ZCWPW1: variants seen among roughly 807,000 people sequenced by gnomAD.
ZCWPW1 encodes the protein zinc finger CW-type PWWP domain protein 1.
In ZCWPW1, 56 loss-of-function variants were observed where a neutral mutation model predicts 81.3. The ratio of observed to expected loss-of-function variants is 0.69; its 90% CI spans 0.56 to 0.86. ZCWPW1 has a LOEUF of 0.86. Among genes scored for constraint, ZCWPW1 ranks in the 40% least tolerant of loss-of-function variants. The pLI is 0.00. For missense variants in ZCWPW1, 650 were observed against 769.8 expected (o/e 0.84, Z 1.84); for synonymous variants, 250 against 273.7 (o/e 0.91, Z 0.86).
At chr7:100,403,088 C>A (rs1303339530) in intron 15 of ZCWPW1, among the ~76,000 whole-genome samples, 4 of 152,094 alleles carry the variant, frequency 2.6e-5, no homozygotes, top group African/African-American at 9.7e-5. Context: ...TTAGAAACCC[C>A]CAAATATCTG....
At position 100,401,202 on chromosome 7, in the gene ZCWPW1, C is replaced by T. The variant is rs767534945; in HGVS notation, c.1762G>A (p.Glu588Lys). Residue 588 changes from glutamate (E) to lysine (K), a missense_variant, in exon 18 of 18, where the codon GAA (glutamate) becomes AAA (lysine). Glu to Lys is a moderately conservative substitution (Grantham distance 56). Transcript: ENST00000684423. ...AGGGGTTCCCGGTGTCTGGGCTCTT[C>T]TTTCGCAGATGAGGGGCAGGCCCCC... ...CKGACPSSAK[E>K]EPRHREPLTQ... is the part of the protein sequence containing the mutation. 2 of 1,614,114 alleles carry T rather than the reference C, an allele frequency of 1.2e-6. No homozygotes were observed. The highest frequency in any genetic ancestry group is 1.7e-5 in the Admixed American group (1 of 60,006).
chr7:100,403,852 A>G, intron 14 of ZCWPW1, 67 bp from the exon 15 acceptor site: 1 of 1,434,542 alleles, frequency 7.0e-7, no homozygotes, highest in South Asian at 1.2e-5. Flanking sequence ...AATGAAGCTG[A>G]TCACAAAGAA....
At chr7:100,423,436 G>A (rs1258680413) in intron 2 of ZCWPW1, among the ~76,000 whole-genome samples, 2 of 152,116 alleles carry the variant, frequency 1.3e-5, no homozygotes, top group African/African-American at 2.4e-5. Context: ...GGCCAAACTC[G>A]TTCAAGGTGT....
intron 15 of ZCWPW1, among the ~76,000 whole-genome samples, chr7:100,402,813 C>A (rs1792206321): frequency 6.6e-6 from 1 of 151,672 alleles, no homozygotes; most frequent in African/African-American, 2.4e-5. Context: ...AGCTAGGCCA[C>A]AAGTATGATA....
intron 8 of ZCWPW1, among the ~76,000 whole-genome samples, chr7:100,415,333 G>C (rs538129088): frequency 6.6e-6 from 1 of 151,776 alleles, no homozygotes; most frequent in South Asian, 2.1e-4. Context: ...CACCCACCTC[G>C]GCATCCCACA....
chr7:100,419,377 A>G (rs1489507205), intron 4 of ZCWPW1, among the ~76,000 whole-genome samples, 188 bp from the exon 5 acceptor site: 3 of 152,170 alleles, frequency 2.0e-5, no homozygotes, highest in Non-Finnish European at 4.4e-5. Context: ...AAGGAAAGAG[A>G]AAAGTGTATA....
chr7:100,415,097 T>A (rs1794964582), intron 8 of ZCWPW1, among the ~76,000 whole-genome samples: 1 of 144,438 alleles, frequency 6.9e-6, no homozygotes, highest in Non-Finnish European at 1.5e-5. Flanking sequence ...TTTTTTTTTT[T>A]TTTTTAGACA....
intron 10 of ZCWPW1, among the ~76,000 whole-genome samples, chr7:100,407,659 C>G (rs1793324668): frequency 6.6e-6 from 1 of 152,134 alleles, no homozygotes; most frequent in South Asian, 2.1e-4. Context: ...TCCCAAAGTG[C>G]TGGGATTACA....
In ZCWPW1 at chr7:100,417,142, G is replaced by C; in HGVS notation, c.403C>G (p.Gln135Glu). The stretch of plus-strand genomic sequence containing the variant: ...TCTGATTGGGTAGATACTACGGGCT[G>C]GGCACAAGAAGTCTCTGCAAAATCA... ...GLDFAETSCA[Q>E]PVVSTQSDKE... is the part of the protein sequence containing the mutation. Residue 135 changes from glutamine to glutamate, a missense_variant, in exon 6 of 18, where the codon CAG (glutamine) becomes GAG (glutamate). By Grantham distance (29) the Gln-to-Glu change is conservative. Transcript: ENST00000684423. 3.1e-6 allele frequency: 5 copies of C among 1,613,884 alleles called. No homozygotes were observed. The highest frequency in any genetic ancestry group is 4.2e-6 in the Non-Finnish European group (5 of 1,179,972).
intron 15 of ZCWPW1, among the ~76,000 whole-genome samples, chr7:100,402,951 G>A (rs1262715984): frequency 2.0e-5 from 3 of 152,180 alleles, no homozygotes; most frequent in Non-Finnish European, 4.4e-5. Flanking sequence ...GGAGTGGAAA[G>A]AAACAACTGG....
chr7:100,422,813 A>G (rs1796587895), intron 2 of ZCWPW1, among the ~76,000 whole-genome samples: 1 of 152,156 alleles, frequency 6.6e-6, no homozygotes, highest in Non-Finnish European at 1.5e-5. Context: ...CTCCCACTTT[A>G]TAAGTGAGAA....
chr7:100,402,443 C>A, intron 16 of ZCWPW1, 73 bp downstream of exon 16: 1 of 1,517,706 alleles, frequency 6.6e-7, no homozygotes, highest in Non-Finnish European at 9.2e-7. Context: ...GGTCCAGCTA[C>A]CTGCAGACTC....
chr7:100,406,768 T>G lies in ZCWPW1; in HGVS notation c.1099A>C (p.Thr367Pro). Reference protein sequence around the residue: ...SKYHVTFFGETVSRAWIPVNM... With the variant: ...SKYHVTFFGEPVSRAWIPVNM... ...ACTGGGATCCATGCACGAGAAACTG[T>G]TTCTCCAAAAAACGTCACATGGTAC... The change falls in exon 12 of 18, where the codon ACA (threonine) becomes CCA (proline). Residue 367 changes from threonine (T) to proline (P), a missense_variant. Physicochemically the swap from Thr to Pro is conservative, Grantham distance 38. Coordinates refer to ENST00000684423, the MANE Select transcript of ZCWPW1 (RefSeq NM_001386010.1). 6.2e-7 allele frequency: 1 copy of G among 1,614,118 alleles called. No individual in the cohort carries two copies. The highest frequency in any genetic ancestry group is 8.5e-7 in the Non-Finnish European group (1 of 1,180,024).
In ZCWPW1 at chr7:100,402,010, G is replaced by C. The variant is rs763250376; in HGVS notation, c.1506C>G (p.Gly502=). The change falls in exon 17 of 18, where the codon GGC becomes GGG. Residue 502 remains glycine (G), a synonymous_variant. Coordinates refer to ENST00000684423, the MANE Select transcript of ZCWPW1 (RefSeq NM_001386010.1). The part of the protein sequence containing the change: ...GLGGDAGTAD[G]RGRTLQRKIM... ...TCTTCCTCTGCAGTGTCCTGCCTCG[G>C]CCATCTGCTGTGCCTGCATCACCCC... The C allele has an allele frequency of 1.2e-6, 2 of 1,613,194 alleles. No individual in the cohort carries two copies. The highest frequency in any genetic ancestry group is 2.7e-5 in the African/African-American group (2 of 74,850).
rs1205271113 is a variant in ZCWPW1 at position 100,415,982 on chromosome 7, A to G, written c.747T>C (p.Ser249=). Residue 249 remains serine (S), a synonymous_variant, in exon 8 of 18, where the codon AGT becomes AGC. Transcript: ENST00000684423. ...CAAACCAGCTAAACTCACCAAAACC[A>G]CTTATCTCTCCTTTTTGCTGGTCCC... ...QIRDQQKGEI[S]GFGQCLVWVQ... The G allele has an allele frequency of 1.9e-6, 3 of 1,614,026 alleles. No homozygotes were observed. The highest frequency in any genetic ancestry group is 2.5e-6 in the Non-Finnish European group (3 of 1,179,998).
intron 16 of ZCWPW1, 140 bp from the exon 17 acceptor site, chr7:100,402,181 C>A: frequency 8.9e-7 from 1 of 1,122,440 alleles, no homozygotes. Flanking sequence ...TGGCCTCTGG[C>A]TCTTTTTCAA....
chr7:100,416,945 CAA>C (rs377744181), intron 6 of ZCWPW1, 119 bp downstream of exon 6: 22,022 of 563,716 alleles, frequency 0.039, no homozygotes, highest in Middle Eastern at 0.051. Flanking sequence ...GACTCCGTCT[CAA>C]AAAAAAAAAA....
rs1243916428 is a variant in ZCWPW1, at chr7:100,428,045, A to G, written c.-137+523T>C. On this transcript the variant is annotated intron_variant, in intron 1 of 17. Transcript: ENST00000684423. ...TTCTTGGGGGCGACAGATTCTGAGG[A>G]AAAAGGGCGAAGGGCTGGTTGTCGC... Among the ~76,000 whole-genome samples the G allele has an allele frequency of 3.3e-5, 5 of 151,618 alleles. 1 individual carries two copies. The highest frequency in any genetic ancestry group is 1.2e-4 in the African/African-American group (5 of 41,300).
intron 8 of ZCWPW1, among the ~76,000 whole-genome samples, chr7:100,409,750 T>C (rs559729539): frequency 5.8e-4 from 88 of 152,322 alleles, no homozygotes; most frequent in African/African-American, 2.0e-3. Flanking sequence ...AACTTGGCGA[T>C]AGAGCTGAAC....
Sources: allele counts gnomAD v4.1 joint callset (sites outside exome capture counted in the v4.1 genomes callset), GRCh38; gene constraint gnomAD v4.1.1; transcripts MANE v1.5; gene names NCBI Gene and HGNC (gene_info 2026-07-23, HGNC 2026-07-21).